The following TSHR variants were observed in gnomAD, a reference collection of about 807,000 sequenced individuals.
TSHR encodes the protein thyrotropin receptor.
In TSHR, 51 loss-of-function variants were observed where a neutral mutation model predicts 64.1. The observed-to-expected ratio is 0.80, with a 90% CI of 0.64 to 1.01. The LOEUF is 1.01. Among genes scored for constraint, TSHR ranks in the 50% least tolerant of loss-of-function variants. The pLI is 0.00. For synonymous variants in TSHR, 361 were observed against 361.9 expected (o/e 1.00, Z 0.03); for missense variants, 877 against 942.8 (o/e 0.93, Z 0.91).
At chr14:81,034,333 C>G (rs140803423) in intron 1 of TSHR, among the ~76,000 whole-genome samples, 1 of 152,282 alleles carries the variant, frequency 6.6e-6, no homozygotes, top group African/African-American at 2.4e-5. Flanking sequence ...ATAGCTTAAT[C>G]AGAAGATCTA....
chr14:81,016,467 GGTT>G (rs1379410656), intron 1 of TSHR, among the ~76,000 whole-genome samples: 16 of 145,962 alleles, frequency 1.1e-4, no homozygotes, highest in African/African-American at 4.5e-4. Flanking sequence ...ATTTTTAATG[GGTT>G]ATTTGTTTTC....
At chr14:80,972,639 TC>T (rs1489048364) in intron 1 of TSHR, among the ~76,000 whole-genome samples, 2 of 152,194 alleles carry the variant, frequency 1.3e-5, no homozygotes, top group Admixed American at 6.5e-5. Flanking sequence ...TTAACCATTT[TC>T]AAGTATAACT....
chr14:80,972,742 C>G (rs552641531), intron 1 of TSHR, among the ~76,000 whole-genome samples: 2 of 152,124 alleles, frequency 1.3e-5, no homozygotes, highest in African/African-American at 4.8e-5. Context: ...AAGGGGAGCT[C>G]GTGCCGATTA....
intron 1 of TSHR, among the ~76,000 whole-genome samples, chr14:80,972,877 T>C (rs1173532799): frequency 2.0e-5 from 3 of 152,216 alleles, no homozygotes; most frequent in African/African-American, 7.2e-5. Flanking sequence ...GTGACCTTTG[T>C]ATCTGACTGC....
chr14:81,030,317 T>A (rs1884289258), intron 1 of TSHR, among the ~76,000 whole-genome samples: 2 of 152,172 alleles, frequency 1.3e-5, no homozygotes, highest in South Asian at 4.1e-4. Context: ...AGAAAACTGA[T>A]CCTTCACTTA....
At chr14:81,035,582 C>T (rs1884581187) in intron 1 of TSHR, among the ~76,000 whole-genome samples, 2 of 152,146 alleles carry the variant, frequency 1.3e-5, no homozygotes, top group Non-Finnish European at 1.5e-5. Flanking sequence ...GAAATTAGAA[C>T]AATGAACTTC....
rs558393145 is a variant in TSHR, at chr14:81,033,620, T to TAAAAAA, written c.171-28517_171-28512dup. ...GAATGTTTTCCATATGGTCTTTTTCTAAAAAAAAAAAAAAAATGTACAATT... is the reference window on the plus strand; with the variant it reads ...GAATGTTTTCCATATGGTCTTTTTCTAAAAAAAAAAAAAAAAAAAAAATGTACAATT... On this transcript the variant is annotated intron_variant, in intron 1 of 9. Coordinates refer to ENST00000298171, the MANE Select transcript of TSHR (RefSeq NM_000369.5). Among the ~76,000 whole-genome samples the TAAAAAA allele has an allele frequency of 4.5e-3, 588 of 131,170 alleles. 8 individuals carry two copies. The highest frequency in any genetic ancestry group is 5.9e-3 in the South Asian group (24 of 4,046). 86.1% of individuals were successfully genotyped at this position (131,170 alleles called of 152,430 possible).
Position 81,103,234 on chromosome 14 carries a change from T to C in TSHR, c.615-5141T>C. The C allele has an allele frequency of 1.0e-6, 1 of 985,428 alleles. No homozygotes were observed. Among genetic ancestry groups the C allele is most frequent in the Non-Finnish European group, 1.2e-6 (1 of 829,928 alleles). 61.0% of individuals were successfully genotyped at this position (985,428 alleles called of 1,614,324 possible). On this transcript the variant is annotated intron_variant, in intron 7 of 9. Coordinates refer to ENST00000298171, the MANE Select transcript of TSHR (RefSeq NM_000369.5). The surrounding 1 kb of genome is among the most constrained non-coding windows in gnomAD (Gnocchi z 4.1). ...TTTAACATAGGGATGTTGCTTTTGG[T>C]GTCAATGCTAATTAAGATTTTAAAC...
At chr14:81,002,364 G>A (rs1382295737) in intron 1 of TSHR, among the ~76,000 whole-genome samples, 1 of 152,022 alleles carries the variant, frequency 6.6e-6, no homozygotes, top group Non-Finnish European at 1.5e-5. Flanking sequence ...AATATCAGTT[G>A]TGTGTGATTT....
intron 1 of TSHR, among the ~76,000 whole-genome samples, chr14:80,965,756 C>T (rs1174880338): frequency 2.6e-5 from 4 of 152,222 alleles, no homozygotes; most frequent in African/African-American, 9.6e-5. Context: ...CTGTATGAAC[C>T]TTTAAGAACA....
At chr14:81,090,937 A>G in intron 4 of TSHR, 132 bp from the exon 5 acceptor site, 1 of 730,888 alleles carries the variant, frequency 1.4e-6, no homozygotes, top group South Asian at 1.5e-5. Context: ...ATATTTAGGG[A>G]AGGTGTTGGG....
At chr14:80,989,716 A>G (rs936639731) in intron 1 of TSHR, among the ~76,000 whole-genome samples, 4 of 151,996 alleles carry the variant, frequency 2.6e-5, no homozygotes, top group African/African-American at 9.7e-5. Context: ...CTTCTATTCG[A>G]CTAAATTTAT....
In TSHR at chr14:81,114,327, G is replaced by A. The variant is rs148177392; in HGVS notation, c.692+5875G>A. Among the ~76,000 whole-genome samples, 1,416 of 152,278 alleles carry A rather than the reference G, an allele frequency of 9.3e-3. 27 individuals carry two copies. The highest frequency in any genetic ancestry group is 0.032 in the African/African-American group (1,345 of 41,572). ...GCACAGGTCAGTGGGTGCGTGCACT[G>A]TGCGCGAGCCAAAGCAGGGCGAGGC... On this transcript the variant is annotated intron_variant, in intron 8 of 9. Transcript: ENST00000298171.
At chr14:80,975,801 C>A (rs1341413414) in intron 1 of TSHR, among the ~76,000 whole-genome samples, 1 of 152,202 alleles carries the variant, frequency 6.6e-6, no homozygotes. Flanking sequence ...TGCCTGGTGC[C>A]TTACTTCAGG....
chr14:81,037,727 G>A (rs1209024569), intron 1 of TSHR, among the ~76,000 whole-genome samples: 1 of 141,384 alleles, frequency 7.1e-6, no homozygotes, highest in East Asian at 2.1e-4. Flanking sequence ...AAAATTGAAA[G>A]GGGAGACAAA....
At chr14:81,002,786 T>TAAAAGACTGCTG (rs1566757866) in intron 1 of TSHR, among the ~76,000 whole-genome samples, 17 of 17,884 alleles carry the variant, frequency 9.5e-4, no homozygotes, top group Non-Finnish European at 2.9e-3. Flanking sequence ...TGCCTCTTTT[T>TAAAAGACTGCTG]TTTTTTTTTT....
chr14:80,985,888 G>A (rs902583702), intron 1 of TSHR, among the ~76,000 whole-genome samples: 1 of 152,190 alleles, frequency 6.6e-6, no homozygotes, highest in African/African-American at 2.4e-5. Context: ...TAAGTGTATA[G>A]CACTTTGACA....
At chr14:81,076,318 CT>C (rs1887500402) in intron 3 of TSHR, among the ~76,000 whole-genome samples, 1 of 152,086 alleles carries the variant, frequency 6.6e-6, no homozygotes, top group Admixed American at 6.6e-5. Flanking sequence ...AATTATTGGG[CT>C]TTCATATGGC....
At chr14:81,120,066 T>G in intron 8 of TSHR, among the ~76,000 whole-genome samples, 1 of 128,530 alleles carries the variant, frequency 7.8e-6, no homozygotes, top group Non-Finnish European at 1.6e-5. Flanking sequence ...CATTGGGAGA[T>G]ATACCTAATG....
Sources: gnomAD v4.1 joint callset for allele counts (sites outside exome capture counted in the v4.1 genomes callset) on GRCh38, gnomAD v4.1.1 for gene constraint, Gnocchi (gnomAD v3.1) non-coding constraint, MANE v1.5 for transcripts, NCBI Gene and HGNC (gene_info 2026-07-23, HGNC 2026-07-21) for gene names.